Variants in ARFGEF2 observed in about 807,000 individuals in gnomAD.
The protein encoded by ARFGEF2 is brefeldin A-inhibited guanine nucleotide-exchange protein 2.
A neutral mutation model predicts 219.9 loss-of-function variants in ARFGEF2; 74 were observed. The ratio of observed to expected loss-of-function variants is 0.34; its 90% CI spans 0.28 to 0.41. The LOEUF is 0.41. Ranked by LOEUF, ARFGEF2 falls within the 10% of genes least tolerant of loss-of-function variation. ARFGEF2 has a pLI of 1.00. For missense variants in ARFGEF2, 1,743 were observed against 2,218.3 expected, an observed-to-expected ratio of 0.79 and a Z score of 4.30; for synonymous variants, 733 against 799.2, an observed-to-expected ratio of 0.92 and a Z score of 1.40.
At chr20:49,026,864 G>T (rs964747471) in intron 36 of ARFGEF2, among the ~76,000 whole-genome samples, 4 of 151,994 alleles carry the variant, frequency 2.6e-5, no homozygotes, top group African/African-American at 9.7e-5. Context: ...AGGATTACAG[G>T]CATGAGCCAC....
chr20:48,935,864 A>C, intron 1 of ARFGEF2, among the ~76,000 whole-genome samples: 1 of 116,308 alleles, frequency 8.6e-6, no homozygotes, highest in African/African-American at 3.9e-5. Context: ...CTGGCCGGGC[A>C]GAGGAGCTCC....
Position 49,023,199 on chromosome 20 carries a change from C to T in ARFGEF2, c.4755+18C>T, listed in dbSNP as rs748637270. On this transcript the variant is annotated intron_variant, in intron 35 of 38. Transcript: ENST00000371917. Reference sequence around the variant, plus strand: ...CCGCCCAGGTAAGAACAGGAGGCCTCAGGAAGAGCATCCCTGTCCATAGGG... The same window carrying T: ...CCGCCCAGGTAAGAACAGGAGGCCTTAGGAAGAGCATCCCTGTCCATAGGG... 3 of 1,613,804 alleles carry T rather than the reference C, an allele frequency of 1.9e-6. No individual in the cohort carries two copies. Among genetic ancestry groups the T allele is most frequent in the African/African-American group, 1.3e-5 (1 of 74,896 alleles).
intron 1 of ARFGEF2, among the ~76,000 whole-genome samples, chr20:48,936,370 G>A (rs1372837722): frequency 9.9e-5 from 15 of 151,510 alleles, no homozygotes; most frequent in African/African-American, 3.4e-4. Flanking sequence ...CCTCCCTCCC[G>A]GACGAGGTGG....
At chr20:48,922,966 T>A (rs976181174) in intron 1 of ARFGEF2, among the ~76,000 whole-genome samples, 1 of 152,202 alleles carries the variant, frequency 6.6e-6, no homozygotes, top group African/African-American at 2.4e-5. Context: ...AATACTATTT[T>A]GAAAATAAAA....
intron 6 of ARFGEF2, among the ~76,000 whole-genome samples, chr20:48,956,340 G>A (rs1284791729): frequency 6.6e-6 from 1 of 152,218 alleles, no homozygotes; most frequent in Non-Finnish European, 1.5e-5. Context: ...TGCCTCCCAT[G>A]TTATTTGTGT....
chr20:48,976,923 TA>T (rs1432017725), intron 14 of ARFGEF2, among the ~76,000 whole-genome samples: 8 of 151,716 alleles, frequency 5.3e-5, no homozygotes, highest in Admixed American at 3.3e-4. Flanking sequence ...TTATTTGTTT[TA>T]TTTTTTTAGG....
In ARFGEF2 at chr20:48,994,662, CT is replaced by C. The variant is rs1303521253; in HGVS notation, c.3121+66del. The C allele has an allele frequency of 3.1e-6, 5 of 1,597,710 alleles. No individual in the cohort carries two copies. The East Asian group carries it at 1.1e-4, about 36-fold the overall frequency. On this transcript the variant is annotated intron_variant, in intron 22 of 38. Coordinates refer to ENST00000371917, the MANE Select transcript of ARFGEF2 (RefSeq NM_006420.3). Reference sequence around the variant, plus strand: ...GCAAGCTAACGGGGATGAAACCCTTCTTGTCTCATCAGGACTGTCCTGTAAA... The same window carrying C: ...GCAAGCTAACGGGGATGAAACCCTTCTGTCTCATCAGGACTGTCCTGTAAA...
rs2295578 is a variant in ARFGEF2, at chr20:49,010,064, G to C, written c.3585-168G>C. On this transcript the variant is annotated intron_variant, in intron 26 of 38. Transcript: ENST00000371917. Reference sequence around the variant, plus strand: ...AGGATGGTGGTTGTAGCTCTATGCAGCATGCTAGGTTTGGAATGGAAGTGA... The same window carrying C: ...AGGATGGTGGTTGTAGCTCTATGCACCATGCTAGGTTTGGAATGGAAGTGA... Among the ~76,000 whole-genome samples, 55,604 of 152,062 alleles carry C rather than the reference G, an allele frequency of 0.37. 10,814 individuals are homozygous for C. The highest frequency in any genetic ancestry group is 0.51 in the African/African-American group (21,247 of 41,456).
intron 25 of ARFGEF2, among the ~76,000 whole-genome samples, chr20:49,001,810 T>C (rs931942798): frequency 6.6e-6 from 1 of 152,222 alleles, no homozygotes; most frequent in Admixed American, 6.5e-5. Context: ...ATATTACAGA[T>C]AATATTGTCT....
intron 13 of ARFGEF2, among the ~76,000 whole-genome samples, chr20:48,975,800 C>CAAAAAAAAAAAAAAAAAAAAAAAAA (rs1057511883): frequency 5.4e-4 from 61 of 112,182 alleles, no homozygotes; most frequent in Non-Finnish European, 8.4e-4. Flanking sequence ...GACTCCATCT[C>CAAAAAAAAAAAAAAAAAAAAAAAAA]AAAAAAAAAA....
intron 22 of ARFGEF2, among the ~76,000 whole-genome samples, chr20:48,995,163 G>A (rs1264876633): frequency 6.6e-6 from 1 of 152,154 alleles, no homozygotes; most frequent in Non-Finnish European, 1.5e-5. Context: ...AACAGGGACT[G>A]TTATATTCCC....
At chr20:49,032,686 G>A (rs1399320375) in intron 38 of ARFGEF2, among the ~76,000 whole-genome samples, 3 of 151,512 alleles carry the variant, frequency 2.0e-5, no homozygotes, top group Non-Finnish European at 4.4e-5. Context: ...CTGCCTCCCA[G>A]GCTCAAGCGA....
At chr20:49,025,608 G>T (rs1454320330) in intron 36 of ARFGEF2, 127 bp downstream of exon 36, 3 of 1,071,168 alleles carry the variant, frequency 2.8e-6, no homozygotes, top group Non-Finnish European at 4.2e-6. Flanking sequence ...TCATGCTTGA[G>T]GGGGAGAGAA....
At position 49,023,192 on chromosome 20, in the gene ARFGEF2, G is replaced by C; in HGVS notation, c.4755+11G>C. 1 of 1,614,022 alleles carries C rather than the reference G, an allele frequency of 6.2e-7. No individual in the cohort carries two copies. The highest frequency in any genetic ancestry group is 8.5e-7 in the Non-Finnish European group (1 of 1,179,942). ...ATGGTTGCCGCCCAGGTAAGAACAG[G>C]AGGCCTCAGGAAGAGCATCCCTGTC... On this transcript the variant is annotated intron_variant, in intron 35 of 38. Transcript: ENST00000371917.
At chr20:49,021,644 A>C (rs1487644939) in intron 34 of ARFGEF2, among the ~76,000 whole-genome samples, 1 of 148,930 alleles carries the variant, frequency 6.7e-6, no homozygotes, top group African/African-American at 2.5e-5. Flanking sequence ...TCAGGAGTTC[A>C]AGACCAGCCT....
In ARFGEF2 at chr20:48,991,890, A is replaced by T. The variant is rs112311663; in HGVS notation, c.2973+692A>T. Among the ~76,000 whole-genome samples, 280 of 152,338 alleles carry T rather than the reference A, an allele frequency of 1.8e-3. 3 individuals are homozygous for T. Among genetic ancestry groups the T allele is most frequent in the Middle Eastern group, 6.8e-3 (2 of 294 alleles). On this transcript the variant is annotated intron_variant, in intron 21 of 38. Transcript: ENST00000371917. ...CTCTCTGATGGAAGTACACAATACT[A>T]CCTAAGAAATGTTCTAGCCCCAACT... is the stretch of plus-strand genomic sequence containing the variant.
At chr20:49,019,679 A>C (rs1477984478) in intron 34 of ARFGEF2, among the ~76,000 whole-genome samples, 1 of 152,202 alleles carries the variant, frequency 6.6e-6, no homozygotes, top group Non-Finnish European at 1.5e-5. Context: ...TGTTTACGTG[A>C]TCTTTTTAGA....
At chr20:48,999,634 C>A (rs753328886) in intron 25 of ARFGEF2, among the ~76,000 whole-genome samples, 1 of 151,566 alleles carries the variant, frequency 6.6e-6, no homozygotes, top group African/African-American at 2.4e-5. Context: ...GTAGTCCCAG[C>A]TACTCAGGAG....
chr20:48,952,196 C>T (rs1432374801), intron 4 of ARFGEF2, among the ~76,000 whole-genome samples: 2 of 140,726 alleles, frequency 1.4e-5, no homozygotes, highest in Non-Finnish European at 3.0e-5. Context: ...TGCTCTGTCG[C>T]CTAGGCTGGA....
Sources: gnomAD v4.1 joint callset for allele counts (sites outside exome capture counted in the v4.1 genomes callset) on GRCh38, gnomAD v4.1.1 for gene constraint, MANE v1.5 for transcripts, NCBI Gene and HGNC (gene_info 2026-07-23, HGNC 2026-07-21) for gene names.